ARHGAP1: variants seen among roughly 807,000 people sequenced by gnomAD.
ARHGAP1 encodes rho GTPase-activating protein 1.
ARHGAP1 carries 23 observed loss-of-function variants against 52.2 expected under a neutral mutation model. The ratio of observed to expected loss-of-function variants is 0.44; its 90% confidence interval spans 0.32 to 0.62. The LOEUF is 0.62. ARHGAP1 is among the 20% of genes least tolerant of loss of function. The pLI, the probability that ARHGAP1 is intolerant of heterozygous loss-of-function variation, is 0.05. For missense variants in ARHGAP1, 480 were observed against 560.9 expected (o/e 0.86, Z 1.46); for synonymous variants, 210 against 228.4 (o/e 0.92, Z 0.73).
At chr11:46,684,353 C>G (rs1305507050) in intron 4 of ARHGAP1, among the ~76,000 whole-genome samples, 1 of 152,168 alleles carries the variant, frequency 6.6e-6, no homozygotes. Context: ...TGATGTTTAT[C>G]AGAAGCTATA....
At chr11:46,698,743 GACATGACCTCCCTCAACGCCCCC>G (rs1295095454) in intron 1 of ARHGAP1, among the ~76,000 whole-genome samples, 1 of 152,106 alleles carries the variant, frequency 6.6e-6, no homozygotes, top group South Asian at 2.1e-4. Flanking sequence ...AGTTCTTCCA[GACATGACCTCCCTCAACGCCCCC>G]ACATAACCTC....
rs753965551 is a variant in ARHGAP1 at position 46,680,316 on chromosome 11, C to T, written c.821-34G>A. On this transcript the variant is annotated intron_variant, in intron 9 of 12. Transcript: ENST00000311956. This position sits in a 1 kb window ranked among gnomAD's most constrained non-coding sequence, Gnocchi z 5.9. ...CAGTAGGGCCTGGTGAGCCTCCGAG[C>T]GCTGGGCACCGGCTGGATTCCCTGC... 4.5e-5 allele frequency: 72 copies of T among 1,609,362 alleles called. No homozygotes were observed. The highest frequency in any genetic ancestry group is 2.6e-4 in the South Asian group (24 of 90,972).
Position 46,677,687 on chromosome 11 carries a change from C to A in ARHGAP1, c.*1350G>T. 4.0e-6 allele frequency: 1 copy of A among 247,810 alleles called. No homozygotes were observed. The highest frequency in any genetic ancestry group is 8.1e-6 in the Non-Finnish European group (1 of 123,690). 15.4% of individuals were successfully genotyped at this position (247,810 alleles called of 1,614,324 possible). A position where few individuals can be genotyped will look rare whatever the true frequency, so the allele number is the denominator to read the frequency against. On this transcript the variant is annotated 3_prime_UTR_variant, in exon 13 of 13. Coordinates refer to ENST00000311956, the MANE Select transcript of ARHGAP1 (RefSeq NM_004308.5). ...ACAGGGCTGGCCGGGTGCAGTGGCTCACGCCTGGAATCCCAGCACTTTGGG... is the reference window on the plus strand; with the variant it reads ...ACAGGGCTGGCCGGGTGCAGTGGCTAACGCCTGGAATCCCAGCACTTTGGG...
At chr11:46,690,709 C>T (rs181657318) in intron 3 of ARHGAP1, among the ~76,000 whole-genome samples, 1 of 152,248 alleles carries the variant, frequency 6.6e-6, no homozygotes, top group African/African-American at 2.4e-5. Context: ...GTTAGCTGCC[C>T]CTTTTCATGG....
rs2064518360 is a variant in ARHGAP1 at position 46,680,670 on chromosome 11, G to C, written c.713C>G (p.Pro238Arg). 3.7e-6 allele frequency: 6 copies of C among 1,609,114 alleles called. No homozygotes were observed. Among genetic ancestry groups the C allele is most frequent in the Non-Finnish European group, 5.1e-6 (6 of 1,176,962 alleles). The change falls in exon 8 of 13, where the codon CCC becomes CGC. Residue 238 changes from proline (P) to arginine (R), a missense_variant. Transcript: ENST00000311956. The surrounding 1 kb of genome is among the most constrained non-coding windows in gnomAD (Gnocchi z 5.9). The stretch of plus-strand genomic sequence containing the variant: ...CAGCGAGACTCCAAACTGCTGGTTG[G>C]GCAGGGGGGGCCGTGGGGGCATGGG... ...PKPMPPRPPL[P>R]NQQFGVSLQH...
chr11:46,695,351 G>A (rs1319160548), intron 3 of ARHGAP1: 14 of 411,638 alleles, frequency 3.4e-5, no homozygotes, highest in Admixed American at 1.3e-4. Flanking sequence ...AGGGGTAGGA[G>A]GGCAATAGAA....
At chr11:46,688,859 G>T (rs2134488025) in intron 3 of ARHGAP1, among the ~76,000 whole-genome samples, 1 of 151,914 alleles carries the variant, frequency 6.6e-6, no homozygotes, top group East Asian at 2.0e-4. Flanking sequence ...GAACCAGGGG[G>T]ATCACCTGAG....
At position 46,696,475 on chromosome 11, in the gene ARHGAP1, C is replaced by T. The variant is rs2064655875; in HGVS notation, c.-49-319G>A. Among the ~76,000 whole-genome samples, 1 of 152,202 alleles carries T rather than the reference C, an allele frequency of 6.6e-6. No homozygotes were observed. Among genetic ancestry groups the T allele is most frequent in the Non-Finnish European group, 1.5e-5 (1 of 68,032 alleles). Reference sequence around the variant, plus strand: ...ACCCAGCTGGCTCAGTGATGCAGTCCCAGCTGTAGAGGGCAGAGGTCCACG... The same window carrying T: ...ACCCAGCTGGCTCAGTGATGCAGTCTCAGCTGTAGAGGGCAGAGGTCCACG... On this transcript the variant is annotated intron_variant, in intron 1 of 12. Transcript: ENST00000311956. This position sits in a 1 kb window ranked among gnomAD's most constrained non-coding sequence, Gnocchi z 4.8.
At chr11:46,689,571 C>T (rs1021604221) in intron 3 of ARHGAP1, among the ~76,000 whole-genome samples, 1 of 152,066 alleles carries the variant, frequency 6.6e-6, no homozygotes, top group Admixed American at 6.6e-5. Flanking sequence ...GATGGAGTCT[C>T]ACTCTGTCAC....
In ARHGAP1 at chr11:46,681,947, C is replaced by T. The variant is rs890851376; in HGVS notation, c.449+104G>A. 7.9e-6 allele frequency: 12 copies of T among 1,521,044 alleles called. No homozygotes were observed. The highest frequency in any genetic ancestry group is 8.1e-6 in the Non-Finnish European group (9 of 1,117,950). 94.2% of individuals were successfully genotyped at this position (1,521,044 alleles called of 1,614,324 possible). On this transcript the variant is annotated intron_variant, in intron 5 of 12. Transcript: ENST00000311956. The surrounding 1 kb of genome is among the most constrained non-coding windows in gnomAD (Gnocchi z 5.7). ...TTGACGTAGACGGCAGCCCCCGCCA[C>T]CCCCTGCCTTGGAATAAGCTCCTGC...
intron 4 of ARHGAP1, chr11:46,687,930 G>C: frequency 2.0e-6 from 1 of 500,890 alleles, no homozygotes; most frequent in Non-Finnish European, 3.6e-6. Flanking sequence ...CCTTTTGAAA[G>C]GTGAGGAAAG....
intron 3 of ARHGAP1, among the ~76,000 whole-genome samples, chr11:46,694,538 A>T (rs1358611724): frequency 6.6e-6 from 1 of 152,084 alleles, no homozygotes; most frequent in African/African-American, 2.4e-5. Context: ...GGAGGTGGGG[A>T]GGGGCAGGCT....
chr11:46,678,920 C>T lies in ARHGAP1; in HGVS notation c.*117G>A. On this transcript the variant is annotated 3_prime_UTR_variant, in exon 13 of 13. Coordinates refer to ENST00000311956, the MANE Select transcript of ARHGAP1 (RefSeq NM_004308.5). ...CGGGCTGGACAGAGGTGGGGGAGAG[C>T]ATGCCTGATGGGTGGCTCCAACATC... 1.7e-6 allele frequency: 2 copies of T among 1,177,784 alleles called. No individual in the cohort carries two copies. Among genetic ancestry groups the T allele is most frequent in the Non-Finnish European group, 2.4e-6 (2 of 843,210 alleles). 73.0% of individuals were successfully genotyped at this position (1,177,784 alleles called of 1,614,324 possible).
chr11:46,693,502 C>T (rs2064630248), intron 3 of ARHGAP1, among the ~76,000 whole-genome samples: 1 of 151,694 alleles, frequency 6.6e-6, no homozygotes, highest in Non-Finnish European at 1.5e-5. Context: ...AACTCCTGGA[C>T]TGAAAGGATC....
At chr11:46,693,807 G>A (rs149972562) in intron 3 of ARHGAP1, among the ~76,000 whole-genome samples, 64 of 152,290 alleles carry the variant, frequency 4.2e-4, no homozygotes, top group African/African-American at 1.5e-3. Flanking sequence ...CTGTTCAACT[G>A]TCAGGAATTT....
At chr11:46,690,621 C>T (rs1168646356) in intron 3 of ARHGAP1, among the ~76,000 whole-genome samples, 1 of 152,094 alleles carries the variant, frequency 6.6e-6, no homozygotes, top group Non-Finnish European at 1.5e-5. Flanking sequence ...ATTCTAGGGC[C>T]CCCACCAACC....
At chr11:46,691,545 G>A (rs181234430) in intron 3 of ARHGAP1, among the ~76,000 whole-genome samples, 2 of 151,104 alleles carry the variant, frequency 1.3e-5, no homozygotes, top group Admixed American at 6.6e-5. Context: ...TTTGCGTCCC[G>A]GGTTCAAGTG....
chr11:46,692,023 A>G (rs891743512), intron 3 of ARHGAP1, among the ~76,000 whole-genome samples: 13 of 152,238 alleles, frequency 8.5e-5, no homozygotes, highest in Non-Finnish European at 1.3e-4. Context: ...GAGGAGGTGC[A>G]GCTCCATCCC....
rs376680534 is a variant in ARHGAP1, at chr11:46,680,287, G to C, written c.821-5C>G. ...AGATGCCCTCGGTGGTGAGAGCTGG[G>C]AAACAGTAGGGCCTGGTGAGCCTCC... On this transcript the variant is annotated splice_region_variant and splice_polypyrimidine_tract_variant and intron_variant, in intron 9 of 12. Transcript: ENST00000311956. The surrounding 1 kb of genome is among the most constrained non-coding windows in gnomAD (Gnocchi z 5.9). 4.3e-6 allele frequency: 7 copies of C among 1,613,950 alleles called. No homozygotes were observed. The highest frequency in any genetic ancestry group is 5.9e-6 in the Non-Finnish European group (7 of 1,179,996).
Sources: allele counts gnomAD v4.1 joint callset (sites outside exome capture counted in the v4.1 genomes callset), GRCh38; gene constraint gnomAD v4.1.1; non-coding constraint Gnocchi (gnomAD v3.1); transcripts MANE v1.5; gene names NCBI Gene and HGNC (gene_info 2026-07-23, HGNC 2026-07-21).